Variants in MGAT4C observed in about 807,000 individuals in gnomAD.
MGAT4C encodes the protein alpha-1,3-mannosyl-glycoprotein 4-beta-N-acetylglucosaminyltransferase C.
A neutral mutation model predicts 40.1 loss-of-function variants in MGAT4C; 19 were observed. The ratio of observed to expected loss-of-function variants is 0.47; its 90% CI spans 0.33 to 0.70. MGAT4C has a LOEUF of 0.70. Among genes scored for constraint, MGAT4C ranks in the 30% least tolerant of loss-of-function variants. The pLI is 0.02. For synonymous variants in MGAT4C, 181 were observed against 187.1 expected (o/e 0.97, Z 0.27); for missense variants, 491 against 563.2 (o/e 0.87, Z 1.30).
intron 4 of MGAT4C, among the ~76,000 whole-genome samples, chr12:86,324,886 C>T (rs1954489649): frequency 6.6e-6 from 1 of 151,988 alleles, no homozygotes; most frequent in Admixed American, 6.6e-5. Context: ...GTTTGTTTTT[C>T]CCAAATAACC....
Position 86,008,977 on chromosome 12 carries a change from G to GA in MGAT4C, c.-6-19426dup, listed in dbSNP as rs1448551080. ...TATATAATTATTTTTATATACTGTT[G>GA]ATTTGCTAAGATTTTCTTTCTGCAT... On this transcript the variant is annotated intron_variant, in intron 2 of 4. Coordinates refer to ENST00000611864, the MANE Select transcript of MGAT4C (RefSeq NM_001351288.2). Among the ~76,000 whole-genome samples the GA allele has an allele frequency of 2.6e-5, 4 of 151,856 alleles. No individual in the cohort carries two copies. In the East Asian group the frequency reaches 7.7e-4, roughly 29 times the overall value.
chr12:86,774,315 C>CTTTTCTTTCTTTCTTTCTTTCTTTCTT (rs755767593), intron 1 of MGAT4C, among the ~76,000 whole-genome samples: 4 of 59,394 alleles, frequency 6.7e-5, no homozygotes, highest in Non-Finnish European at 1.5e-4. Flanking sequence ...TTCTTTCTTT[C>CTTTTCTTTCTTTCTTTCTTTCTTTCTT]TTTCTTTCTT....
chr12:86,246,870 C>T (rs1952057972), intron 1 of MGAT4C, among the ~76,000 whole-genome samples: 3 of 152,200 alleles, frequency 2.0e-5, no homozygotes, highest in Admixed American at 6.5e-5. Flanking sequence ...CCACCAGTGA[C>T]CTTCCCTGCA....
intron 2 of MGAT4C, among the ~76,000 whole-genome samples, chr12:86,601,998 C>T (rs1038322760): frequency 3.3e-5 from 5 of 152,136 alleles, no homozygotes; most frequent in South Asian, 2.1e-4. Context: ...CAGAAACTGG[C>T]GCCTGCAGCG....
At chr12:86,140,111 G>A (rs1272879614) in intron 1 of MGAT4C, among the ~76,000 whole-genome samples, 1 of 151,872 alleles carries the variant, frequency 6.6e-6, no homozygotes, top group Non-Finnish European at 1.5e-5. Context: ...CTGCCCCAAG[G>A]CCTTCATATG....
chr12:86,289,224 T>C (rs1271646782), intron 4 of MGAT4C, among the ~76,000 whole-genome samples: 1 of 152,130 alleles, frequency 6.6e-6, no homozygotes, highest in African/African-American at 2.4e-5. Flanking sequence ...TGTAGGCGCA[T>C]GGCATTATTT....
chr12:86,326,400 C>T (rs1436453632), intron 4 of MGAT4C, among the ~76,000 whole-genome samples: 1 of 150,862 alleles, frequency 6.6e-6, no homozygotes, highest in African/African-American at 2.4e-5. Context: ...CAATGTATAC[C>T]TATATTAAAA....
rs186861701 is a variant in MGAT4C, at chr12:86,370,939, A to G, written c.-119-36812T>C. ...GGTGAGGGGTGGCCCTTTCAATACC[A>G]TATCAAGATGATTTTATACCATTAT... On this transcript the variant is annotated intron_variant, in intron 3 of 7. Transcript: ENST00000548651. Among the ~76,000 whole-genome samples the G allele has an allele frequency of 1.0e-3, 152 of 150,986 alleles. 1 individual carries two copies. The highest frequency in any genetic ancestry group is 3.7e-3 in the African/African-American group (149 of 40,754).
intron 4 of MGAT4C, among the ~76,000 whole-genome samples, chr12:86,285,286 C>T (rs1366865969): frequency 1.3e-5 from 2 of 151,922 alleles, no homozygotes; most frequent in East Asian, 3.9e-4. Flanking sequence ...CTTAAAGTAC[C>T]ATATTCAATG....
chr12:86,144,616 T>A (rs956013090), intron 1 of MGAT4C, among the ~76,000 whole-genome samples: 8 of 152,216 alleles, frequency 5.3e-5, no homozygotes, highest in African/African-American at 1.9e-4. Flanking sequence ...ATTCATTTTA[T>A]CAGGATCTCA....
At chr12:86,081,463 T>TTTG (rs759815668) in intron 1 of MGAT4C, among the ~76,000 whole-genome samples, 2 of 152,244 alleles carry the variant, frequency 1.3e-5, no homozygotes, top group African/African-American at 2.4e-5. Flanking sequence ...TTTGATAGTT[T>TTTG]TTGTTGTTGT....
At chr12:86,373,156 A>G (rs1333391220) in intron 3 of MGAT4C, among the ~76,000 whole-genome samples, 1 of 151,934 alleles carries the variant, frequency 6.6e-6, no homozygotes, top group Non-Finnish European at 1.5e-5. Context: ...GTCTGAAGCT[A>G]AGAGATATTA....
At chr12:86,732,794 TA>T in intron 1 of MGAT4C, among the ~76,000 whole-genome samples, 1 of 147,356 alleles carries the variant, frequency 6.8e-6, no homozygotes, top group Non-Finnish European at 1.5e-5. Flanking sequence ...TGTTTTAACA[TA>T]TTCAGCATTT....
intron 4 of MGAT4C, among the ~76,000 whole-genome samples, chr12:86,290,880 T>C (rs973079488): frequency 6.6e-6 from 1 of 152,038 alleles, no homozygotes; most frequent in Non-Finnish European, 1.5e-5. Flanking sequence ...TAGCAGAGTA[T>C]TACAAGAAAG....
At chr12:86,482,013 C>A (rs1356815380) in intron 2 of MGAT4C, among the ~76,000 whole-genome samples, 1 of 150,026 alleles carries the variant, frequency 6.7e-6, no homozygotes, top group East Asian at 2.0e-4. Context: ...GTGACAATTT[C>A]TAGGTTGTAA....
At chr12:86,476,060 G>A (rs573170641) in intron 2 of MGAT4C, among the ~76,000 whole-genome samples, 5 of 152,104 alleles carry the variant, frequency 3.3e-5, no homozygotes, top group East Asian at 1.9e-4. Flanking sequence ...ATGTGTGCAC[G>A]TGTGTCTGTG....
intron 4 of MGAT4C, among the ~76,000 whole-genome samples, chr12:86,286,644 T>C (rs1163737662): frequency 2.0e-5 from 3 of 152,016 alleles, no homozygotes; most frequent in African/African-American, 7.2e-5. Context: ...TATTGGTAAA[T>C]TGTGTGCTGC....
At chr12:86,367,076 GTAAC>G (rs977751390) in intron 3 of MGAT4C, among the ~76,000 whole-genome samples, 1 of 151,956 alleles carries the variant, frequency 6.6e-6, no homozygotes, top group African/African-American at 2.4e-5. Flanking sequence ...TGGTTATAGA[GTAAC>G]TGACAGAGCA....
chr12:86,208,435 C>A (rs1566148028), intron 1 of MGAT4C, among the ~76,000 whole-genome samples: 2 of 152,184 alleles, frequency 1.3e-5, no homozygotes, highest in Non-Finnish European at 2.9e-5. Flanking sequence ...CCACTGCACC[C>A]TAGCCTGGGT....
Sources: allele counts gnomAD v4.1 joint callset (sites outside exome capture counted in the v4.1 genomes callset), GRCh38; gene constraint gnomAD v4.1.1; transcripts MANE v1.5; gene names NCBI Gene and HGNC (gene_info 2026-07-23, HGNC 2026-07-21).